Variants in LSAMP observed in about 807,000 individuals in gnomAD.
LSAMP encodes the protein limbic system-associated membrane protein.
LSAMP carries 7 observed loss-of-function variants against 38.6 expected under a neutral mutation model. The observed-to-expected ratio is 0.18, with a 90% CI of 0.10 to 0.34. The LOEUF (loss-of-function observed/expected upper bound fraction) is 0.34. LSAMP is among the 10% of genes least tolerant of loss of function. LSAMP has a pLI of 1.00. For missense variants in LSAMP, 313 were observed against 420.0 expected (o/e 0.75, Z 2.23); for synonymous variants, 154 against 166.8 (o/e 0.92, Z 0.59).
At chr3:116,100,843 A>G (rs1228076038) in intron 1 of LSAMP, among the ~76,000 whole-genome samples, 2 of 152,110 alleles carry the variant, frequency 1.3e-5, no homozygotes, top group African/African-American at 4.8e-5. Flanking sequence ...TCAGACTTCA[A>G]TCTCACCCTT....
At chr3:115,935,155 A>G (rs1433107371) in intron 3 of LSAMP, among the ~76,000 whole-genome samples, 2 of 152,210 alleles carry the variant, frequency 1.3e-5, no homozygotes, top group African/African-American at 4.8e-5. Flanking sequence ...AAAATGAAAG[A>G]AAAAGGTAAC....
chr3:116,407,262 C>G (rs2048909114), intron 1 of LSAMP, among the ~76,000 whole-genome samples: 2 of 151,930 alleles, frequency 1.3e-5, no homozygotes, highest in African/African-American at 2.4e-5. Flanking sequence ...CATCAAACAC[C>G]TATGTGAAGC....
At chr3:116,070,681 G>T (rs1393400031) in intron 2 of LSAMP, among the ~76,000 whole-genome samples, 1 of 152,142 alleles carries the variant, frequency 6.6e-6, no homozygotes, top group Non-Finnish European at 1.5e-5. Context: ...CTTTGCCTTT[G>T]TTCCTCCTCC....
chr3:116,155,787 T>C (rs1217037418), intron 1 of LSAMP, among the ~76,000 whole-genome samples: 1 of 152,142 alleles, frequency 6.6e-6, no homozygotes, highest in African/African-American at 2.4e-5. Flanking sequence ...CTTTCTCCAC[T>C]TCTCTAGTTC....
Position 116,445,330 on chromosome 3 carries a change from A to C in LSAMP, c.-299T>G. 1 of 563,600 alleles carries C rather than the reference A, an allele frequency of 1.8e-6. No individual in the cohort carries two copies. The highest frequency in any genetic ancestry group is 2.4e-5 in the South Asian group (1 of 40,826). The allele number at this position is 563,600 out of a possible 1,614,324, so 34.9% of individuals were successfully genotyped here. A position where few individuals can be genotyped will look rare whatever the true frequency, so the allele number is the denominator to read the frequency against. On this transcript the variant is annotated 5_prime_UTR_variant, in exon 1 of 7. Transcript: ENST00000490035. ...AAGAGCTGAAGAGGAAGCCAAAGGAAAGGGTTCTTGTTTGGTCTCTCTGTG... is the reference window on the plus strand; with the variant it reads ...AAGAGCTGAAGAGGAAGCCAAAGGACAGGGTTCTTGTTTGGTCTCTCTGTG...
At chr3:116,143,603 C>T (rs537704273) in intron 1 of LSAMP, among the ~76,000 whole-genome samples, 2 of 152,000 alleles carry the variant, frequency 1.3e-5, no homozygotes, top group East Asian at 1.9e-4. Context: ...TATATATTCA[C>T]AAAATTAAAA....
chr3:115,907,238 G>A (rs550247381), intron 3 of LSAMP, among the ~76,000 whole-genome samples: 2 of 152,206 alleles, frequency 1.3e-5, no homozygotes, highest in East Asian at 3.9e-4. Context: ...GCTAAGGTCT[G>A]AATGTTTGTG....
intron 1 of LSAMP, among the ~76,000 whole-genome samples, chr3:116,267,525 T>C (rs1261307517): frequency 6.6e-6 from 1 of 151,060 alleles, no homozygotes; most frequent in Non-Finnish European, 1.5e-5. Flanking sequence ...AGTCAGGATG[T>C]ATAGAGAAGT....
intron 3 of LSAMP, among the ~76,000 whole-genome samples, chr3:115,866,287 G>A (rs1436899244): frequency 6.6e-6 from 1 of 151,948 alleles, no homozygotes; most frequent in Non-Finnish European, 1.5e-5. Context: ...CTGCTTTCTG[G>A]CCTACCTGGA....
chr3:115,974,172 C>A (rs1939109875), intron 3 of LSAMP, among the ~76,000 whole-genome samples: 2 of 151,724 alleles, frequency 1.3e-5, no homozygotes, highest in Non-Finnish European at 2.9e-5. Flanking sequence ...AGGTGAAACC[C>A]CCCTCTACTA....
At chr3:115,832,253 G>GA (rs532056978) in intron 6 of LSAMP, among the ~76,000 whole-genome samples, 7 of 152,184 alleles carry the variant, frequency 4.6e-5, no homozygotes, top group African/African-American at 7.2e-5. Flanking sequence ...TGGGAAGGCA[G>GA]AAAAAATCTT....
chr3:116,234,315 G>A (rs2046439241), intron 1 of LSAMP, among the ~76,000 whole-genome samples: 1 of 152,128 alleles, frequency 6.6e-6, no homozygotes, highest in South Asian at 2.1e-4. Context: ...AGAATGAAAG[G>A]GCGTTCACGG....
chr3:115,976,693 A>G (rs1328693355), intron 3 of LSAMP, among the ~76,000 whole-genome samples: 1 of 152,118 alleles, frequency 6.6e-6, no homozygotes. Flanking sequence ...TGATTGGATC[A>G]TGGGGGCGGA....
intron 2 of LSAMP, among the ~76,000 whole-genome samples, chr3:116,071,554 C>T (rs1707606763): frequency 6.6e-6 from 1 of 152,100 alleles, no homozygotes. Flanking sequence ...ATTGAGGTTA[C>T]ATATTTCACT....
intron 1 of LSAMP, among the ~76,000 whole-genome samples, chr3:116,415,225 T>TACTATAACC (rs113417941): frequency 6.6e-6 from 1 of 151,418 alleles, no homozygotes; most frequent in Non-Finnish European, 1.5e-5. Flanking sequence ...CAATAGTTAT[T>TACTATAACC]ATTTTACAGA....
At chr3:116,319,481 A>C (rs545516700) in intron 1 of LSAMP, among the ~76,000 whole-genome samples, 1 of 152,352 alleles carries the variant, frequency 6.6e-6, no homozygotes, top group South Asian at 2.1e-4. Context: ...CCTATGTAAC[A>C]CTTAGAGGGG....
At chr3:116,390,739 CAAAA>C (rs60344430) in intron 1 of LSAMP, among the ~76,000 whole-genome samples, 5,487 of 55,784 alleles carry the variant, frequency 0.098, 105 homozygotes, top group Middle Eastern at 0.18. Flanking sequence ...GACTCCGCCT[CAAAA>C]AAAAAAAAAA....
intron 1 of LSAMP, among the ~76,000 whole-genome samples, chr3:116,112,841 T>C (rs1396196975): frequency 6.6e-6 from 1 of 152,230 alleles, no homozygotes; most frequent in African/African-American, 2.4e-5. Context: ...TGCCATGAAT[T>C]TGCCCTTTTT....
At chr3:115,956,977 G>T (rs189965402) in intron 3 of LSAMP, among the ~76,000 whole-genome samples, 1 of 152,240 alleles carries the variant, frequency 6.6e-6, no homozygotes, top group African/African-American at 2.4e-5. Flanking sequence ...GACTTTTTGT[G>T]AGGACCCATT....
Sources: gnomAD v4.1 joint callset for allele counts (sites outside exome capture counted in the v4.1 genomes callset) on GRCh38, gnomAD v4.1.1 for gene constraint, MANE v1.5 for transcripts, NCBI Gene and HGNC (gene_info 2026-07-23, HGNC 2026-07-21) for gene names.